RUFY1: variants seen among roughly 807,000 people sequenced by gnomAD.
RUFY1 encodes the protein RUN and FYVE domain-containing protein 1.
A neutral mutation model predicts 94.6 loss-of-function variants in RUFY1; 54 were observed. The observed-to-expected ratio is 0.57, with a 90% CI of 0.46 to 0.72. The LOEUF (loss-of-function observed/expected upper bound fraction) is 0.72. RUFY1 is among the 30% of genes least tolerant of loss of function. RUFY1 has a pLI of 0.00. For missense variants in RUFY1, 883 were observed against 883.9 expected, an observed-to-expected ratio of 1.00 and a Z score of 0.01; for synonymous variants, 396 against 347.3, an observed-to-expected ratio of 1.14 and a Z score of -1.56.
chr5:179,576,170 TTTCTC>T (rs1032176466), intron 5 of RUFY1, among the ~76,000 whole-genome samples: 1 of 152,226 alleles, frequency 6.6e-6, no homozygotes, highest in Non-Finnish European at 1.5e-5. Context: ...GATTTCAACT[TTTCTC>T]TATTGATGAA....
At chr5:179,559,801 C>T in intron 1 of RUFY1, 3 of 1,296,986 alleles carry the variant, frequency 2.3e-6, no homozygotes, top group Non-Finnish European at 2.9e-6. Flanking sequence ...GCAGGAGGCC[C>T]AGTGGCTCTT....
intron 14 of RUFY1, among the ~76,000 whole-genome samples, chr5:179,599,908 T>A (rs11741546): frequency 0.66 from 100,831 of 152,178 alleles, 34,023 homozygotes; most frequent in East Asian, 0.84. Context: ...ACTGCACGAT[T>A]CGAGCGAGTC....
chr5:179,602,012 C>T (rs777090676), intron 15 of RUFY1, 26 bp downstream of exon 15: 17 of 1,559,982 alleles, frequency 1.1e-5, no homozygotes, highest in Non-Finnish European at 1.5e-5. Flanking sequence ...CCCTTGTCTG[C>T]CACTGCAGGC....
intron 2 of RUFY1, among the ~76,000 whole-genome samples, chr5:179,560,406 G>C (rs964387775): frequency 6.6e-6 from 1 of 152,198 alleles, no homozygotes; most frequent in East Asian, 1.9e-4. Flanking sequence ...TAAAGTTTCT[G>C]GTAGCCAGGT....
chr5:179,583,286 T>C (rs901122641), intron 7 of RUFY1, among the ~76,000 whole-genome samples: 1 of 151,242 alleles, frequency 6.6e-6, no homozygotes, highest in Admixed American at 6.6e-5. Flanking sequence ...GGTGACAGAG[T>C]GAGACTCTGT....
At position 179,569,366 on chromosome 5, in the gene RUFY1, G is replaced by T; in HGVS notation, c.769G>T (p.Val257Leu). Reference sequence around the variant, plus strand: ...AGGGATGGTGATTGTTGGTCTGCTGGTGGGACTCAATGTTCTCGATGCCAA... The same window carrying T: ...AGGGATGGTGATTGTTGGTCTGCTGTTGGGACTCAATGTTCTCGATGCCAA... Reference protein sequence around the residue: ...EEGMVIVGLLVGLNVLDANLC... With the variant: ...EEGMVIVGLLLGLNVLDANLC... The change falls in exon 5 of 18, where the codon GTG (valine) becomes TTG (leucine). Residue 257 changes from valine to leucine, a missense_variant. By Grantham distance (32) the Val-to-Leu change is conservative (BLOSUM62 1). Transcript: ENST00000319449. 6.2e-7 allele frequency: 1 copy of T among 1,613,708 alleles called. No homozygotes were observed. The highest frequency in any genetic ancestry group is 1.3e-5 in the African/African-American group (1 of 74,926).
rs184238956 is a variant in RUFY1, at chr5:179,566,777, C to T, written c.603-684C>T. On this transcript the variant is annotated intron_variant, in intron 3 of 17. Coordinates refer to ENST00000319449, the MANE Select transcript of RUFY1 (RefSeq NM_025158.5). ...AAACATAAAATTATACCTTTAAGGC[C>T]AGGTGCAGTGGCTCATGCCTGTAAT... Among the ~76,000 whole-genome samples the T allele has an allele frequency of 2.4e-3, 364 of 151,928 alleles. 1 individual carries two copies. Among genetic ancestry groups the T allele is most frequent in the Admixed American group, 4.9e-3 (74 of 15,254 alleles).
chr5:179,597,287 G>A (rs1371496989), intron 13 of RUFY1, among the ~76,000 whole-genome samples: 1 of 152,042 alleles, frequency 6.6e-6, no homozygotes, highest in African/African-American at 2.4e-5. Context: ...CCAGGCTGGA[G>A]TGCGGTGGCG....
At position 179,567,479 on chromosome 5, in the gene RUFY1, C is replaced by T. The variant is rs1762913778; in HGVS notation, c.621C>T (p.Gly207=). The T allele has an allele frequency of 6.2e-7, 1 of 1,613,626 alleles. No individual in the cohort carries two copies. Among genetic ancestry groups the T allele is most frequent in the South Asian group, 1.1e-5 (1 of 91,078 alleles). The stretch of plus-strand genomic sequence containing the variant: ...ATTCTAGGACAGCTGTGGGAAGAGG[C>T]CGAGCGTGGCTTTATCTTGCACTCA... The part of the protein sequence containing the change: ...LPELKTAVGR[G]RAWLYLALMQ... The change falls in exon 4 of 18, where the codon GGC becomes GGT. Residue 207 remains glycine (G), a synonymous_variant. Coordinates refer to ENST00000319449, the MANE Select transcript of RUFY1 (RefSeq NM_025158.5).
intron 5 of RUFY1, 37 bp from the exon 6 acceptor site, chr5:179,577,038 A>T (rs777657977): frequency 6.0e-6 from 8 of 1,322,684 alleles, no homozygotes; most frequent in African/African-American, 1.5e-5. Context: ...GAAAAATAGG[A>T]CATTTTATTT....
At chr5:179,555,198 G>T (rs189915934) in intron 1 of RUFY1, among the ~76,000 whole-genome samples, 1 of 152,228 alleles carries the variant, frequency 6.6e-6, no homozygotes, top group East Asian at 1.9e-4. Flanking sequence ...TGCTGGCGGG[G>T]TGCAGGTGGC....
chr5:179,561,594 T>A (rs1258526577), intron 2 of RUFY1, among the ~76,000 whole-genome samples: 20 of 141,722 alleles, frequency 1.4e-4, no homozygotes, highest in Admixed American at 1.1e-3. Flanking sequence ...CAAAAAAAAA[T>A]AAATCCTTGA....
In RUFY1 at chr5:179,601,945, G is replaced by A; in HGVS notation, c.1815G>A (p.Glu605=). ...CAGAGCTGCAGAAGATCTGCGAGGA[G>A]CAGGAACAAGCCCTCCAGGAAATGG... ...EKAELQKICE[E]QEQALQEMGL... is the part of the protein sequence containing the mutation. Residue 605 remains glutamate (E), a synonymous_variant, in exon 15 of 18, where the codon GAG becomes GAA. Coordinates refer to ENST00000319449, the MANE Select transcript of RUFY1 (RefSeq NM_025158.5). 6.2e-7 allele frequency: 1 copy of A among 1,613,912 alleles called. No individual in the cohort carries two copies. Among genetic ancestry groups the A allele is most frequent in the Non-Finnish European group, 8.5e-7 (1 of 1,179,922 alleles).
At chr5:179,583,864 C>T (rs1215452944) in intron 7 of RUFY1, among the ~76,000 whole-genome samples, 3 of 151,980 alleles carry the variant, frequency 2.0e-5, no homozygotes, top group African/African-American at 7.2e-5. Flanking sequence ...ATTCTCCTGC[C>T]TCAGCCTCCC....
intron 1 of RUFY1, 90 bp from the exon 2 acceptor site, chr5:179,559,935 C>G: frequency 6.7e-7 from 1 of 1,503,132 alleles, no homozygotes; most frequent in Non-Finnish European, 8.9e-7. Flanking sequence ...CGCCTGGCCT[C>G]CTGCCTGACC....
chr5:179,569,078 T>G (rs111229954), intron 4 of RUFY1: 1 of 984,690 alleles, frequency 1.0e-6, no homozygotes, highest in African/African-American at 1.8e-5. Context: ...GAGTTAACTT[T>G]AGACAGGAGG....
chr5:179,584,951 C>G (rs2127545814), intron 7 of RUFY1, among the ~76,000 whole-genome samples: 1 of 151,746 alleles, frequency 6.6e-6, no homozygotes, highest in South Asian at 2.1e-4. Flanking sequence ...CTGGCTAACA[C>G]AGTGAAACCC....
At chr5:179,554,922 C>T (rs1394999913) in intron 1 of RUFY1, among the ~76,000 whole-genome samples, 1 of 151,780 alleles carries the variant, frequency 6.6e-6, no homozygotes, top group Non-Finnish European at 1.5e-5. Context: ...GAGCCAAGAT[C>T]ACGCCACTGC....
intron 15 of RUFY1, among the ~76,000 whole-genome samples, chr5:179,604,528 C>A (rs752819415): frequency 6.6e-6 from 1 of 152,036 alleles, no homozygotes; most frequent in African/African-American, 2.4e-5. Flanking sequence ...AGCTGCCTCC[C>A]GATCTTTAGT....
Sources: allele counts gnomAD v4.1 joint callset (sites outside exome capture counted in the v4.1 genomes callset), GRCh38; gene constraint gnomAD v4.1.1; transcripts MANE v1.5; gene names NCBI Gene and HGNC (gene_info 2026-07-23, HGNC 2026-07-21).